FAAH2: variants seen among roughly 807,000 people sequenced by gnomAD.
FAAH2 encodes fatty acid amide hydrolase 2, also known as fatty-acid amide hydrolase 2.
Under a neutral mutation model 36.9 loss-of-function variants are expected in FAAH2, and 60 were observed. The ratio of observed to expected loss-of-function variants is 1.63; its 90% CI spans 1.32 to 2.02. The LOEUF is 2.02. FAAH2 is among the 30% of genes most tolerant of loss of function. FAAH2 has a pLI of 0.00. For missense variants in FAAH2, 689 were observed against 397.5 expected (o/e 1.73, Z -6.23); for synonymous variants, 214 against 143.8 (o/e 1.49, Z -3.49).
intron 10 of FAAH2, among the ~76,000 whole-genome samples, chrX:57,463,029 C>G (rs76935705): frequency 9.0e-6 from 1 of 111,503 alleles, no homozygotes; most frequent in Non-Finnish European, 1.9e-5. Context: ...AAGCAGGGAG[C>G]CAAATCATGA....
At chrX:57,133,866 T>G in the FAAH2 span, among the ~76,000 whole-genome samples, 1 of 111,808 alleles carries the variant, frequency 8.9e-6, no homozygotes, top group Non-Finnish European at 1.9e-5. Flanking sequence ...TGTGTAATTC[T>G]TGAGGCAGTC....
intron 7 of FAAH2, among the ~76,000 whole-genome samples, chrX:57,426,191 T>C (rs887521017): frequency 8.9e-6 from 1 of 112,057 alleles, no homozygotes; most frequent in African/African-American, 3.2e-5. Context: ...AAGGTCAGTA[T>C]ATAATGATAA....
the FAAH2 span, among the ~76,000 whole-genome samples, chrX:57,239,509 C>A: frequency 1.8e-5 from 2 of 109,970 alleles, no homozygotes; most frequent in African/African-American, 3.3e-5. Flanking sequence ...CTTGGGGAAT[C>A]TGATTTCTAT....
intron 10 of FAAH2, among the ~76,000 whole-genome samples, chrX:57,471,840 C>T (rs1427265712): frequency 6.9e-4 from 77 of 111,984 alleles, no homozygotes; most frequent in Non-Finnish European, 1.4e-3. Flanking sequence ...TGACTTCAAA[C>T]TATACTACAA....
chrX:57,124,401 G>C, the FAAH2 span, among the ~76,000 whole-genome samples: 15 of 111,226 alleles, frequency 1.3e-4, no homozygotes, highest in African/African-American at 3.6e-4. Context: ...GTTTTGGTTA[G>C]TGTAGCCTTG....
At chrX:57,382,549 T>C (rs1015279026) in intron 7 of FAAH2, among the ~76,000 whole-genome samples, 2 of 111,626 alleles carry the variant, frequency 1.8e-5, no homozygotes, top group African/African-American at 6.5e-5. Context: ...TATAAACATC[T>C]CTATGCAAAT....
the FAAH2 span, among the ~76,000 whole-genome samples, chrX:57,130,084 A>G: frequency 8.9e-6 from 1 of 112,266 alleles, no homozygotes; most frequent in Non-Finnish European, 1.9e-5. Context: ...ATCATTGTAA[A>G]ACTTCATATC....
intron 7 of FAAH2, among the ~76,000 whole-genome samples, chrX:57,417,906 C>T (rs1460607818): frequency 1.2e-4 from 13 of 111,934 alleles, no homozygotes; most frequent in Admixed American, 5.7e-4. Context: ...GGGCTGTTGC[C>T]TTTCTTTCAG....
chrX:57,129,662 G>A, the FAAH2 span, among the ~76,000 whole-genome samples: 4 of 112,263 alleles, frequency 3.6e-5, no homozygotes, highest in African/African-American at 1.3e-4. Flanking sequence ...AAAATCAGTT[G>A]TAACTAGCAG....
intron 5 of FAAH2, among the ~76,000 whole-genome samples, chrX:57,361,249 T>A (rs1366436770): frequency 2.7e-5 from 3 of 111,782 alleles, no homozygotes; most frequent in Admixed American, 9.5e-5. Context: ...AGGTTATATA[T>A]GTAAATACTT....
the FAAH2 span, among the ~76,000 whole-genome samples, chrX:57,234,239 T>G: frequency 4.5e-5 from 5 of 111,769 alleles, no homozygotes; most frequent in Non-Finnish European, 7.5e-5. Context: ...CTTCACTTTA[T>G]AAAATGTCAA....
chrX:57,341,174 A>G (rs1435391756), intron 4 of FAAH2, 97 bp from the exon 5 acceptor site: 1 of 911,680 alleles, frequency 1.1e-6, no homozygotes, highest in Non-Finnish European at 1.5e-6. Flanking sequence ...TTGGATCTAA[A>G]GACACAAAAA....
At chrX:57,135,998 C>T in the FAAH2 span, 1 of 1,208,255 alleles carries the variant, frequency 8.3e-7, no homozygotes, top group Non-Finnish European at 1.1e-6. Context: ...CTCCTGGCTC[C>T]CTCTCTGTTG....
the FAAH2 span, among the ~76,000 whole-genome samples, chrX:57,245,168 A>T: frequency 1.5e-4 from 17 of 112,248 alleles, no homozygotes; most frequent in Non-Finnish European, 3.8e-5. Flanking sequence ...GATCAATGCA[A>T]CAAGAAGAGC....
chrX:57,273,769 A>G, the FAAH2 span, among the ~76,000 whole-genome samples: 1 of 112,050 alleles, frequency 8.9e-6, no homozygotes, highest in Non-Finnish European at 1.9e-5. Flanking sequence ...CAGTGTTTAG[A>G]GGGAAATTTA....
At chrX:57,277,648 T>A in the FAAH2 span, among the ~76,000 whole-genome samples, 1 of 112,030 alleles carries the variant, frequency 8.9e-6, no homozygotes, top group East Asian at 2.8e-4. Flanking sequence ...TGCTTGCAGA[T>A]GATATGATTG....
chrX:57,163,844 T>C, the FAAH2 span, among the ~76,000 whole-genome samples: 1 of 112,591 alleles, frequency 8.9e-6, no homozygotes, highest in Middle Eastern at 4.6e-3. Flanking sequence ...CGCTGGGAGC[T>C]GTAGACCAGA....
At chrX:57,219,300 G>C in the FAAH2 span, among the ~76,000 whole-genome samples, 1 of 111,205 alleles carries the variant, frequency 9.0e-6, no homozygotes, top group African/African-American at 3.3e-5. Context: ...GCACTCTCGG[G>C]GTTCAAACTG....
intron 5 of FAAH2, among the ~76,000 whole-genome samples, chrX:57,348,351 A>C (rs1443815694): frequency 9.0e-6 from 1 of 110,992 alleles, no homozygotes; most frequent in Admixed American, 9.6e-5. Context: ...AATGCTTGGG[A>C]ACCAGAAGGA....
Sources: allele counts gnomAD v4.1 joint callset (sites outside exome capture counted in the v4.1 genomes callset), GRCh38; gene constraint gnomAD v4.1.1; transcripts MANE v1.5; gene names NCBI Gene and HGNC (gene_info 2026-07-23, HGNC 2026-07-21).